Variants in CA10 observed in about 807,000 individuals in gnomAD.
CA10 encodes carbonic anhydrase 10 (inactive), also known as carbonic anhydrase-related protein 10.
Under a neutral mutation model 44.2 loss-of-function variants are expected in CA10, and 14 were observed. The observed-to-expected ratio is 0.32, with a 90% confidence interval of 0.21 to 0.50. The LOEUF is 0.50. Among genes scored for constraint, CA10 ranks in the 20% least tolerant of loss-of-function variants. CA10 has a pLI of 0.99. For synonymous variants in CA10, 159 were observed against 141.6 expected, an observed-to-expected ratio of 1.12 and a Z score of -0.87; for missense variants, 350 against 409.7, an observed-to-expected ratio of 0.85 and a Z score of 1.26.
intron 1 of CA10, among the ~76,000 whole-genome samples, chr17:52,073,601 T>C (rs1987742494): frequency 1.3e-5 from 2 of 152,138 alleles, no homozygotes; most frequent in African/African-American, 4.8e-5. Flanking sequence ...TTTAAGACTC[T>C]GGAAAAAATA....
chr17:51,732,380 C>T (rs1916751263), intron 4 of CA10, among the ~76,000 whole-genome samples: 1 of 152,172 alleles, frequency 6.6e-6, no homozygotes, highest in African/African-American at 2.4e-5. Flanking sequence ...TCCTGTTTGT[C>T]TGGGATGCTT....
At chr17:51,701,440 G>A (rs1174035373) in intron 4 of CA10, among the ~76,000 whole-genome samples, 2 of 152,050 alleles carry the variant, frequency 1.3e-5, no homozygotes, top group Non-Finnish European at 1.5e-5. Context: ...CTGCAACATA[G>A]CTTTTTGGAG....
chr17:51,833,808 T>C (rs1908374077), intron 3 of CA10, among the ~76,000 whole-genome samples: 1 of 152,152 alleles, frequency 6.6e-6, no homozygotes, highest in Admixed American at 6.5e-5. Context: ...TAACACAGGG[T>C]AAAATAATAT....
chr17:51,636,495 A>G (rs1912833132), intron 6 of CA10, among the ~76,000 whole-genome samples: 1 of 152,190 alleles, frequency 6.6e-6, no homozygotes, highest in Non-Finnish European at 1.5e-5. Context: ...GAGGAAGCAC[A>G]TTCCTTCCAC....
At chr17:51,768,896 A>T (rs1007194812) in intron 3 of CA10, among the ~76,000 whole-genome samples, 2 of 152,172 alleles carry the variant, frequency 1.3e-5, no homozygotes, top group African/African-American at 2.4e-5. Flanking sequence ...TCAGAAAGGA[A>T]AGGGCCAATG....
At chr17:51,797,730 T>A (rs1248019955) in intron 3 of CA10, among the ~76,000 whole-genome samples, 1 of 151,576 alleles carries the variant, frequency 6.6e-6, no homozygotes, top group Non-Finnish European at 1.5e-5. Context: ...GGCATGCGCC[T>A]GTAATCCCAG....
chr17:52,005,729 C>A (rs773657444), intron 2 of CA10, among the ~76,000 whole-genome samples: 6 of 151,910 alleles, frequency 3.9e-5, no homozygotes, highest in African/African-American at 9.7e-5. Context: ...TACATCCTCA[C>A]AAATTCTGTT....
chr17:51,959,043 T>G (rs1983769950), intron 2 of CA10, among the ~76,000 whole-genome samples: 1 of 152,022 alleles, frequency 6.6e-6, no homozygotes, highest in Non-Finnish European at 1.5e-5. Flanking sequence ...TCCTCCAGCT[T>G]GGACTCTAGG....
intron 3 of CA10, among the ~76,000 whole-genome samples, chr17:51,868,687 T>C (rs942047014): frequency 1.3e-5 from 2 of 152,130 alleles, no homozygotes; most frequent in Non-Finnish European, 2.9e-5. Context: ...ACTAACCACC[T>C]GGTATTCTGA....
chr17:51,920,506 T>C (rs545857905), intron 3 of CA10, among the ~76,000 whole-genome samples: 7 of 152,220 alleles, frequency 4.6e-5, no homozygotes, highest in Admixed American at 4.6e-4. Flanking sequence ...TAAAGTCCTT[T>C]CTAATACCCA....
rs1232594604 is a variant in CA10, at chr17:51,814,538, A to T, written c.280-66720T>A. ...GTCCTGCGGTAAGGAAACCTGCTTA[A>T]TTTTGTTTAAATATGTTTGCTGAAA... On this transcript the variant is annotated intron_variant, in intron 3 of 8. Transcript: ENST00000451037. Among the ~76,000 whole-genome samples the T allele has an allele frequency of 2.0e-5, 3 of 152,230 alleles. No individual in the cohort carries two copies. In the East Asian group the frequency reaches 5.8e-4, roughly 29 times the overall value.
At chr17:52,097,081 T>A (rs1413608240) in intron 1 of CA10, among the ~76,000 whole-genome samples, 1 of 152,100 alleles carries the variant, frequency 6.6e-6, no homozygotes, top group Non-Finnish European at 1.5e-5. Context: ...CTTGTGTAGA[T>A]CTCATTGTTT....
chr17:51,897,397 T>G (rs1038338940), intron 3 of CA10, among the ~76,000 whole-genome samples: 7 of 151,988 alleles, frequency 4.6e-5, no homozygotes, highest in African/African-American at 1.4e-4. Context: ...TTTATTTTGA[T>G]CTGTCTATTC....
intron 3 of CA10, among the ~76,000 whole-genome samples, chr17:51,774,724 G>A (rs970374817): frequency 4.6e-5 from 7 of 152,142 alleles, no homozygotes; most frequent in East Asian, 1.9e-4. Context: ...GATTACAGGC[G>A]TGAGCTACTG....
chr17:52,150,882 A>C (rs1989688890), intron 1 of CA10, among the ~76,000 whole-genome samples: 1 of 152,158 alleles, frequency 6.6e-6, no homozygotes, highest in Non-Finnish European at 1.5e-5. Context: ...GAAAATACCA[A>C]ATCTCAAAGA....
intron 3 of CA10, among the ~76,000 whole-genome samples, chr17:51,825,230 A>G (rs145560881): frequency 4.6e-5 from 7 of 152,258 alleles, no homozygotes; most frequent in Non-Finnish European, 1.0e-4. Context: ...AAGAATGCAT[A>G]AAACTGCTGA....
At chr17:52,043,549 AT>A (rs770012417) in intron 2 of CA10, among the ~76,000 whole-genome samples, 2 of 151,840 alleles carry the variant, frequency 1.3e-5, no homozygotes, top group Non-Finnish European at 2.9e-5. Context: ...TGAATCTTTT[AT>A]TTCTTTTTCC....
At chr17:51,938,715 A>G (rs1291577997) in intron 2 of CA10, among the ~76,000 whole-genome samples, 1 of 152,028 alleles carries the variant, frequency 6.6e-6, no homozygotes, top group African/African-American at 2.4e-5. Flanking sequence ...GCACATCACT[A>G]AAGGTAAAGA....
intron 2 of CA10, among the ~76,000 whole-genome samples, chr17:51,970,735 G>A (rs1353179116): frequency 1.3e-5 from 2 of 151,936 alleles, no homozygotes; most frequent in Non-Finnish European, 2.9e-5. Flanking sequence ...AAAATATTGT[G>A]TTTTGTTTAT....
Sources: gnomAD v4.1 joint callset for allele counts (sites outside exome capture counted in the v4.1 genomes callset) on GRCh38, gnomAD v4.1.1 for gene constraint, MANE v1.5 for transcripts, NCBI Gene and HGNC (gene_info 2026-07-23, HGNC 2026-07-21) for gene names.